Variants in FNDC3A observed in about 807,000 individuals in gnomAD.
FNDC3A encodes the protein fibronectin type-III domain-containing protein 3A.
Under a neutral mutation model 148.9 loss-of-function variants are expected in FNDC3A, and 32 were observed. That is an observed-to-expected ratio of 0.21 (90% CI 0.16 to 0.29). The LOEUF is 0.29. Ranked by LOEUF, FNDC3A falls within the 10% of genes least tolerant of loss-of-function variation. The pLI, the probability that FNDC3A is intolerant of heterozygous loss-of-function variation, is 1.00. For synonymous variants in FNDC3A, 472 were observed against 473.6 expected (o/e 1.00, Z 0.04); for missense variants, 1,191 against 1,452.8 (o/e 0.82, Z 2.93).
At chr13:49,035,638 C>T (rs551079607) in intron 2 of FNDC3A, among the ~76,000 whole-genome samples, 2 of 152,056 alleles carry the variant, frequency 1.3e-5, no homozygotes, top group South Asian at 2.1e-4. Flanking sequence ...TTCTGATTAC[C>T]ACATATTATA....
chr13:49,142,886 G>A (rs1882769073), intron 7 of FNDC3A, among the ~76,000 whole-genome samples: 1 of 152,168 alleles, frequency 6.6e-6, no homozygotes, highest in Non-Finnish European at 1.5e-5. Context: ...TTGAGACAGA[G>A]TCTTGCTCTT....
intron 3 of FNDC3A, among the ~76,000 whole-genome samples, chr13:49,084,421 G>C (rs891345614): frequency 5.3e-5 from 8 of 152,078 alleles, no homozygotes; most frequent in African/African-American, 1.9e-4. Flanking sequence ...CATACTTGGG[G>C]ATATTTTAGT....
chr13:49,082,872 A>C (rs1878569715), intron 3 of FNDC3A, among the ~76,000 whole-genome samples: 1 of 152,140 alleles, frequency 6.6e-6, no homozygotes, highest in Non-Finnish European at 1.5e-5. Context: ...AGGATGAGGC[A>C]GTCACTGACG....
intron 3 of FNDC3A, among the ~76,000 whole-genome samples, 154 bp downstream of exon 3, chr13:49,075,518 G>A (rs1878036306): frequency 6.6e-6 from 1 of 152,140 alleles, no homozygotes; most frequent in Admixed American, 6.5e-5. Flanking sequence ...AAGTATTGCA[G>A]TGTCATTCTA....
chr13:49,076,890 T>C (rs1566235021), intron 3 of FNDC3A, among the ~76,000 whole-genome samples: 1 of 152,244 alleles, frequency 6.6e-6, no homozygotes, highest in Non-Finnish European at 1.5e-5. Flanking sequence ...TCTAAGCACT[T>C]TGGGGACACA....
chr13:49,151,848 G>A (rs554565183), intron 8 of FNDC3A, among the ~76,000 whole-genome samples: 12 of 152,232 alleles, frequency 7.9e-5, no homozygotes, highest in East Asian at 3.9e-4. Context: ...CTGTCCTTGC[G>A]ATAGTTTGCT....
At chr13:49,195,851 A>G (rs1417378011) in intron 19 of FNDC3A, among the ~76,000 whole-genome samples, 1 of 151,988 alleles carries the variant, frequency 6.6e-6, no homozygotes, top group African/African-American at 2.4e-5. Flanking sequence ...AGACAGGAGG[A>G]CCACTTGTGC....
At chr13:49,114,774 T>G (rs1880824255) in intron 4 of FNDC3A, 43 bp downstream of exon 4, 1 of 1,262,632 alleles carries the variant, frequency 7.9e-7, no homozygotes, top group Middle Eastern at 1.8e-4. Context: ...TGTATAATAG[T>G]GATAATGTTA....
At chr13:49,059,881 A>T (rs888735946) in intron 2 of FNDC3A, among the ~76,000 whole-genome samples, 1 of 152,234 alleles carries the variant, frequency 6.6e-6, no homozygotes, top group African/African-American at 2.4e-5. Context: ...ACTTTTCTCC[A>T]AAGAAGATGG....
chr13:49,016,369 A>G (rs1872778685), intron 2 of FNDC3A, among the ~76,000 whole-genome samples: 1 of 152,140 alleles, frequency 6.6e-6, no homozygotes, highest in Non-Finnish European at 1.5e-5. Flanking sequence ...CATTTCTTCT[A>G]GATTTTCTAG....
At chr13:49,123,618 A>T (rs1174934081) in intron 4 of FNDC3A, among the ~76,000 whole-genome samples, 1 of 152,064 alleles carries the variant, frequency 6.6e-6, no homozygotes, top group African/African-American at 2.4e-5. Flanking sequence ...AAGGGCTAAT[A>T]TCCAGAATAT....
At chr13:49,100,852 G>C (rs1879815213) in intron 3 of FNDC3A, among the ~76,000 whole-genome samples, 1 of 152,004 alleles carries the variant, frequency 6.6e-6, no homozygotes, top group Non-Finnish European at 1.5e-5. Context: ...ACCTTATCCA[G>C]GCACCCTCAC....
At chr13:49,149,131 G>C (rs1239008041) in intron 8 of FNDC3A, among the ~76,000 whole-genome samples, 1 of 150,116 alleles carries the variant, frequency 6.7e-6, no homozygotes, top group African/African-American at 2.4e-5. Flanking sequence ...CTACATGTAA[G>C]ATCATGTCAT....
chr13:49,009,881 G>A (rs1952301724), intron 2 of FNDC3A, among the ~76,000 whole-genome samples: 1 of 152,084 alleles, frequency 6.6e-6, no homozygotes. Flanking sequence ...CTATTATACA[G>A]TCTTTATTAG....
chr13:49,134,029 G>A (rs950918340), intron 5 of FNDC3A, among the ~76,000 whole-genome samples: 10 of 152,102 alleles, frequency 6.6e-5, no homozygotes, highest in Non-Finnish European at 1.5e-4. Context: ...TTACACTTCA[G>A]TGGTTTTTAA....
intron 2 of FNDC3A, among the ~76,000 whole-genome samples, chr13:49,042,700 C>T (rs1213122519): frequency 1.3e-5 from 2 of 152,042 alleles, no homozygotes. Flanking sequence ...TTGCTTGAGT[C>T]AGAGATGTTG....
At chr13:49,202,266 GA>G (rs1323307927) in intron 24 of FNDC3A, among the ~76,000 whole-genome samples, 1 of 152,026 alleles carries the variant, frequency 6.6e-6, no homozygotes, top group Non-Finnish European at 1.5e-5. Flanking sequence ...TTTGCTTAAA[GA>G]AAAAAATCAC....
intron 8 of FNDC3A, among the ~76,000 whole-genome samples, chr13:49,153,510 G>C (rs1181162695): frequency 1.6e-4 from 24 of 151,982 alleles, no homozygotes; most frequent in African/African-American, 3.9e-4. Flanking sequence ...TGTGCAGAAG[G>C]TCTTTAGTTT....
At chr13:49,179,708 A>G (rs1330634612) in intron 14 of FNDC3A, among the ~76,000 whole-genome samples, 1 of 152,174 alleles carries the variant, frequency 6.6e-6, no homozygotes, top group African/African-American at 2.4e-5. Flanking sequence ...GTGAGGCTCA[A>G]ATTGTCCCAG....
Sources: allele counts gnomAD v4.1 joint callset (sites outside exome capture counted in the v4.1 genomes callset), GRCh38; gene constraint gnomAD v4.1.1; transcripts MANE v1.5; gene names NCBI Gene and HGNC (gene_info 2026-07-23, HGNC 2026-07-21).